The following DYNC1I1 variants were observed in gnomAD, a reference collection of about 807,000 sequenced individuals.
The protein encoded by DYNC1I1 is dynein cytoplasmic 1 intermediate chain 1.
Under a neutral mutation model 86.6 loss-of-function variants are expected in DYNC1I1, and 43 were observed. The ratio of observed to expected loss-of-function variants is 0.50; its 90% confidence interval spans 0.39 to 0.64. The LOEUF is 0.64. DYNC1I1 is among the 30% of genes least tolerant of loss of function. The pLI is 0.00. For missense variants in DYNC1I1, 604 were observed against 788.8 expected, an observed-to-expected ratio of 0.77 and a Z score of 2.81; for synonymous variants, 262 against 283.7, an observed-to-expected ratio of 0.92 and a Z score of 0.77.
At chr7:95,860,941 T>G (rs1789860849) in intron 5 of DYNC1I1, among the ~76,000 whole-genome samples, 2 of 152,246 alleles carry the variant, frequency 1.3e-5, no homozygotes, top group South Asian at 2.1e-4. Flanking sequence ...ACAATTGGGG[T>G]TTTCAATATA....
intron 16 of DYNC1I1, among the ~76,000 whole-genome samples, chr7:96,103,760 A>G (rs1791172241): frequency 6.6e-6 from 1 of 152,016 alleles, no homozygotes; most frequent in Non-Finnish European, 1.5e-5. Flanking sequence ...TTACAGGCAT[A>G]TACCACCATG....
At chr7:95,818,205 CTT>C (rs35895039) in intron 4 of DYNC1I1, among the ~76,000 whole-genome samples, 17 of 143,268 alleles carry the variant, frequency 1.2e-4, no homozygotes, top group Non-Finnish European at 1.5e-4. Flanking sequence ...TAATTTTTGT[CTT>C]TTTTTTTTTT....
At chr7:95,830,562 A>G (rs1795298555) in intron 5 of DYNC1I1, among the ~76,000 whole-genome samples, 1 of 152,096 alleles carries the variant, frequency 6.6e-6, no homozygotes, top group South Asian at 2.1e-4. Context: ...TTTTTATTTC[A>G]TTGTATGGAT....
intron 14 of DYNC1I1, among the ~76,000 whole-genome samples, chr7:96,041,434 G>A (rs567378616): frequency 2.4e-4 from 36 of 152,244 alleles, no homozygotes; most frequent in Non-Finnish European, 3.5e-4. Flanking sequence ...AATAATACAT[G>A]TTTTAACAGA....
chr7:96,018,176 G>C (rs1794447091), intron 10 of DYNC1I1, among the ~76,000 whole-genome samples: 1 of 152,174 alleles, frequency 6.6e-6, no homozygotes. Context: ...ATCTGGGTAT[G>C]CATGAGGCTT....
chr7:96,105,892 T>A (rs1295926834), intron 16 of DYNC1I1, among the ~76,000 whole-genome samples: 1 of 152,168 alleles, frequency 6.6e-6, no homozygotes, highest in Non-Finnish European at 1.5e-5. Context: ...CAAGTTGCAT[T>A]TTTCAAGAAA....
downstream of DYNC1I1, among the ~76,000 whole-genome samples, chr7:96,099,015 T>G: frequency 6.6e-6 from 1 of 152,340 alleles, no homozygotes; most frequent in African/African-American, 2.4e-5. Context: ...ATTTAGATAT[T>G]GAAATCCTTT....
At chr7:96,064,901 TA>T (rs1447382090) in intron 14 of DYNC1I1, among the ~76,000 whole-genome samples, 1 of 151,694 alleles carries the variant, frequency 6.6e-6, no homozygotes, top group East Asian at 1.9e-4. Flanking sequence ...ATGGTGTATC[TA>T]AATGGACAGT....
At chr7:95,828,609 TA>T (rs146335454) in intron 5 of DYNC1I1, among the ~76,000 whole-genome samples, 24 of 152,038 alleles carry the variant, frequency 1.6e-4, no homozygotes, top group African/African-American at 5.3e-4. Flanking sequence ...GATTCCTGTT[TA>T]AAAAAAACCA....
chr7:96,031,011 G>A (rs972863226), intron 11 of DYNC1I1, among the ~76,000 whole-genome samples: 1 of 152,188 alleles, frequency 6.6e-6, no homozygotes, highest in African/African-American at 2.4e-5. Context: ...TGGTGTGAAA[G>A]ACATAGGGAC....
intron 5 of DYNC1I1, among the ~76,000 whole-genome samples, chr7:95,851,328 G>A (rs915676284): frequency 3.3e-5 from 5 of 152,206 alleles, no homozygotes; most frequent in African/African-American, 1.2e-4. Context: ...ACAAAGGGAT[G>A]ATTGATGTCC....
intron 5 of DYNC1I1, among the ~76,000 whole-genome samples, chr7:95,847,781 C>G (rs1423595857): frequency 2.0e-5 from 3 of 152,128 alleles, no homozygotes; most frequent in Admixed American, 1.3e-4. Flanking sequence ...GCCAGGAGAT[C>G]TCGCTAGGAT....
intron 6 of DYNC1I1, among the ~76,000 whole-genome samples, chr7:95,922,248 C>G (rs1791629764): frequency 6.6e-6 from 1 of 151,852 alleles, no homozygotes; most frequent in African/African-American, 2.4e-5. Context: ...AATTCAAAAA[C>G]CTTCTGAAAC....
intron 6 of DYNC1I1, among the ~76,000 whole-genome samples, chr7:95,883,507 G>A (rs962632065): frequency 4.6e-5 from 7 of 152,096 alleles, no homozygotes; most frequent in African/African-American, 9.7e-5. Flanking sequence ...TAGTAGCCCC[G>A]AGGTAGTTTC....
chr7:96,031,506 G>A (rs369333655), intron 11 of DYNC1I1, among the ~76,000 whole-genome samples: 31 of 152,236 alleles, frequency 2.0e-4, no homozygotes, highest in East Asian at 1.4e-3. Flanking sequence ...AGGATACTAC[G>A]AAAACTGGCT....
chr7:95,941,429 C>A (rs1444093412), intron 6 of DYNC1I1, among the ~76,000 whole-genome samples: 2 of 152,274 alleles, frequency 1.3e-5, no homozygotes, highest in African/African-American at 2.4e-5. Flanking sequence ...GCAGGCAGGC[C>A]TCCTTGAGCT....
At chr7:95,836,559 G>C (rs1479991374) in intron 5 of DYNC1I1, among the ~76,000 whole-genome samples, 13 of 151,806 alleles carry the variant, frequency 8.6e-5, no homozygotes, top group Non-Finnish European at 1.9e-4. Flanking sequence ...ATCCTGCACA[G>C]TGTTTTCCAA....
chr7:95,955,733 G>A lies in DYNC1I1; in HGVS notation c.491-21779G>A, dbSNP rs112035632. On this transcript the variant is annotated intron_variant, in intron 6 of 16. Coordinates refer to ENST00000447467, the MANE Select transcript of DYNC1I1 (RefSeq NM_001135556.2). ...CAGGACCAGCTTACGTGCAAGGAAC[G>A]AAAGCTCAATTCAGGAAAAAGCTAT... Among the ~76,000 whole-genome samples, 6 of 152,294 alleles carry A rather than the reference G, an allele frequency of 3.9e-5. 1 individual carries two copies. The highest frequency in any genetic ancestry group is 1.2e-4 in the African/African-American group (5 of 41,562).
At chr7:95,970,151 A>ATG (rs1019066979) in intron 6 of DYNC1I1, among the ~76,000 whole-genome samples, 4 of 152,114 alleles carry the variant, frequency 2.6e-5, no homozygotes, top group Non-Finnish European at 4.4e-5. Context: ...TGAGTGAGTT[A>ATG]TGTGCGAGAG....
Sources: allele counts gnomAD v4.1 joint callset (sites outside exome capture counted in the v4.1 genomes callset), GRCh38; gene constraint gnomAD v4.1.1; transcripts MANE v1.5; gene names NCBI Gene and HGNC (gene_info 2026-07-23, HGNC 2026-07-21).